The following MAGEC3 variants were observed in gnomAD, a reference collection of about 807,000 sequenced individuals.
MAGEC3 encodes melanoma-associated antigen C3.
Under a neutral mutation model 35.3 loss-of-function variants are expected in MAGEC3, and 34 were observed. The observed-to-expected ratio is 0.96, with a 90% confidence interval of 0.73 to 1.28. The LOEUF (loss-of-function observed/expected upper bound fraction) is 1.28. Ranked by LOEUF, MAGEC3 falls within the 50% of genes most tolerant of loss-of-function variation. MAGEC3 has a pLI of 0.00. For synonymous variants in MAGEC3, 202 were observed against 185.6 expected (o/e 1.09, Z -0.72); for missense variants, 561 against 483.6 (o/e 1.16, Z -1.50).
intron 1 of MAGEC3, among the ~76,000 whole-genome samples, chrX:141,862,804 T>C (rs1043695861): frequency 2.7e-5 from 3 of 111,105 alleles, no homozygotes; most frequent in Non-Finnish European, 5.7e-5. Context: ...TCAGCAGGGG[T>C]TGGGGTGGTG....
chrX:141,858,898 T>C (rs1226563681), intron 1 of MAGEC3, among the ~76,000 whole-genome samples: 4 of 110,853 alleles, frequency 3.6e-5, no homozygotes, highest in African/African-American at 1.3e-4. Context: ...AATGAAATAT[T>C]ATCCTACACA....
intron 1 of MAGEC3, among the ~76,000 whole-genome samples, chrX:141,850,192 C>CA (rs1379111543): frequency 9.0e-6 from 1 of 110,567 alleles, no homozygotes; most frequent in Non-Finnish European, 1.9e-5. Context: ...TAGACATAAA[C>CA]ATGTGAACAA....
chrX:141,850,281 G>A lies in MAGEC3; in HGVS notation c.123+11843G>A, dbSNP rs746010443. Among the ~76,000 whole-genome samples the A allele has an allele frequency of 2.3e-3, 258 of 110,414 alleles. 1 individual carries two copies. Among genetic ancestry groups the A allele is most frequent in the African/African-American group, 8.0e-3 (243 of 30,415 alleles). On this transcript the variant is annotated intron_variant, in intron 1 of 7. Transcript: ENST00000298296. Reference sequence around the variant, plus strand: ...AAACCACCTATTGGGTACTATGCTCGCTACTTGGGTGATAGGATCTATACT... The same window carrying A: ...AAACCACCTATTGGGTACTATGCTCACTACTTGGGTGATAGGATCTATACT...
At chrX:141,887,079 A>G (rs1292473526) in intron 4 of MAGEC3, among the ~76,000 whole-genome samples, 3 of 112,202 alleles carry the variant, frequency 2.7e-5, no homozygotes, top group Non-Finnish European at 5.6e-5. Flanking sequence ...ATGTGGTTTC[A>G]TTGTTTGAGC....
At chrX:141,868,401 G>T (rs1313971835) in intron 2 of MAGEC3, among the ~76,000 whole-genome samples, 1 of 111,443 alleles carries the variant, frequency 9.0e-6, no homozygotes, top group Non-Finnish European at 1.9e-5. Context: ...AAAACATTAG[G>T]CCAGACTAGA....
chrX:141,841,005 A>G (rs2017682427), intron 1 of MAGEC3, among the ~76,000 whole-genome samples: 1 of 111,505 alleles, frequency 9.0e-6, no homozygotes, highest in Admixed American at 9.6e-5. Flanking sequence ...AGCATCAGGA[A>G]CCACTTTAAA....
chrX:141,889,402 G>A (rs2018025548), intron 4 of MAGEC3, among the ~76,000 whole-genome samples: 1 of 111,711 alleles, frequency 9.0e-6, no homozygotes, highest in Admixed American at 9.5e-5. Flanking sequence ...ACATTCTGGT[G>A]GCCTAGAGGT....
At chrX:141,857,935 G>A (rs888698099) in intron 1 of MAGEC3, among the ~76,000 whole-genome samples, 1 of 110,950 alleles carries the variant, frequency 9.0e-6, no homozygotes, top group Non-Finnish European at 1.9e-5. Context: ...TCACATCATA[G>A]GTTCTTAATG....
In MAGEC3 at chrX:141,895,474, C is replaced by T. The variant is rs1447436167; in HGVS notation, c.1049-11C>T. ...ACAGAAGAAGCCCCGGTCTGCCCTG[C>T]GCTGCCATAGGACTTGCAGGCCACA... On this transcript the variant is annotated splice_polypyrimidine_tract_variant and intron_variant, in intron 5 of 7. Transcript: ENST00000298296. The T allele has an allele frequency of 8.3e-6, 10 of 1,208,425 alleles. No homozygotes were observed. The highest frequency in any genetic ancestry group is 5.9e-5 in the East Asian group (2 of 33,668).
At chrX:141,874,308 C>T (rs901799809) in intron 2 of MAGEC3, among the ~76,000 whole-genome samples, 3 of 110,901 alleles carry the variant, frequency 2.7e-5, no homozygotes, top group African/African-American at 6.6e-5. Flanking sequence ...AACTATGGTT[C>T]GAGAAAACTT....
chrX:141,897,505 C>A lies in MAGEC3; in HGVS notation c.1728+19C>A, dbSNP rs1314993141. On this transcript the variant is annotated intron_variant, in intron 7 of 7. Transcript: ENST00000298296. ...AATAGGGGTGTGTGCTGGGAGGGAG[C>A]ACTTTATATATGGGGATCCCAGAAA... is the stretch of plus-strand genomic sequence containing the variant. The A allele has an allele frequency of 2.5e-6, 3 of 1,197,248 alleles. No homozygotes were observed. In the African/African-American group the frequency reaches 5.3e-5, roughly 21 times the overall value.
At chrX:141,883,622 A>G (rs773117392) in intron 4 of MAGEC3, among the ~76,000 whole-genome samples, 14 of 112,389 alleles carry the variant, frequency 1.2e-4, no homozygotes, top group African/African-American at 4.2e-4. Context: ...TGGGATTTTA[A>G]TATATGATAT....
At chrX:141,865,754 G>T in intron 2 of MAGEC3, 149 bp downstream of exon 2, 1 of 578,232 alleles carries the variant, frequency 1.7e-6, no homozygotes. Context: ...GGGCCTGAGG[G>T]AGGTGAGGCT....
At chrX:141,890,933 G>A (rs1302344312) in intron 4 of MAGEC3, among the ~76,000 whole-genome samples, 4 of 111,804 alleles carry the variant, frequency 3.6e-5, no homozygotes, top group Non-Finnish European at 5.6e-5. Flanking sequence ...CCTGGGTGAC[G>A]TGAGAGCCAT....
At chrX:141,873,923 G>A (rs894771818) in intron 2 of MAGEC3, among the ~76,000 whole-genome samples, 6 of 111,714 alleles carry the variant, frequency 5.4e-5, no homozygotes, top group African/African-American at 1.3e-4. Context: ...CAATATTAAA[G>A]AAGAAGACAG....
chrX:141,892,581 A>T (rs1385394391), intron 4 of MAGEC3, among the ~76,000 whole-genome samples: 1 of 111,281 alleles, frequency 9.0e-6, no homozygotes, highest in Non-Finnish European at 1.9e-5. Flanking sequence ...TTATTTAATA[A>T]TAATGATTAT....
chrX:141,872,344 C>T (rs1333322484), intron 2 of MAGEC3, among the ~76,000 whole-genome samples: 4 of 111,034 alleles, frequency 3.6e-5, no homozygotes, highest in Non-Finnish European at 5.7e-5. Flanking sequence ...GAGGGAAGGA[C>T]GTAGGAATGT....
chrX:141,857,696 G>A (rs1287507796), intron 1 of MAGEC3, among the ~76,000 whole-genome samples: 1 of 110,669 alleles, frequency 9.0e-6, no homozygotes, highest in East Asian at 2.9e-4. Flanking sequence ...CTTTACTCAA[G>A]TCTCTCCTCC....
intron 1 of MAGEC3, among the ~76,000 whole-genome samples, chrX:141,857,494 C>T (rs1307140030): frequency 9.0e-6 from 1 of 111,378 alleles, no homozygotes; most frequent in Non-Finnish European, 1.9e-5. Context: ...CTAGTAGTGT[C>T]TGCTTCTTCT....
Sources: allele counts gnomAD v4.1 joint callset (sites outside exome capture counted in the v4.1 genomes callset), GRCh38; gene constraint gnomAD v4.1.1; transcripts MANE v1.5; gene names NCBI Gene and HGNC (gene_info 2026-07-23, HGNC 2026-07-21).